The following RTTN variants were observed in gnomAD, a reference collection of about 807,000 sequenced individuals.
The protein encoded by RTTN is rotatin.
RTTN carries 182 observed loss-of-function variants against 269.2 expected under a neutral mutation model. The observed-to-expected ratio is 0.68, with a 90% confidence interval of 0.60 to 0.76. RTTN has a LOEUF of 0.76. RTTN is among the 30% of genes least tolerant of loss of function. The pLI, the probability that RTTN is intolerant of heterozygous loss-of-function variation, is 0.00. For synonymous variants in RTTN, 1,006 were observed against 963.5 expected (o/e 1.04, Z -0.82); for missense variants, 2,545 against 2,608.6 (o/e 0.98, Z 0.53).
In RTTN at chr18:70,114,642, T is replaced by C. The variant is rs1480641017; in HGVS notation, c.3529-43A>G. 5 of 1,571,402 alleles carry C rather than the reference T, an allele frequency of 3.2e-6. No individual in the cohort carries two copies. In the South Asian group the frequency reaches 5.8e-5, roughly 18 times the overall value. ...TAAAAAATGTATTTACTAATTGAAC[T>C]ATATATTGTTTCCTATAAAGGGTTT... is the stretch of plus-strand genomic sequence containing the variant. On this transcript the variant is annotated intron_variant, in intron 26 of 48. Transcript: ENST00000640769.
At chr18:70,125,302 A>G (rs1356189977) in intron 25 of RTTN, among the ~76,000 whole-genome samples, 2 of 152,042 alleles carry the variant, frequency 1.3e-5, no homozygotes, top group African/African-American at 2.4e-5. Context: ...TGAGTTTGCT[A>G]ATATCATTTT....
intron 14 of RTTN, among the ~76,000 whole-genome samples, chr18:70,159,669 T>G (rs1218572487): frequency 6.6e-6 from 1 of 151,930 alleles, no homozygotes; most frequent in African/African-American, 2.4e-5. Context: ...ATATACAAGA[T>G]TGATATATCA....
intron 40 of RTTN, among the ~76,000 whole-genome samples, chr18:70,046,430 C>T (rs1436094006): frequency 1.3e-5 from 2 of 152,170 alleles, no homozygotes; most frequent in African/African-American, 4.8e-5. Flanking sequence ...CCAAGCAGTA[C>T]CGTGCTCCAA....
Position 70,020,779 on chromosome 18 carries a change from G to C in RTTN, c.5989C>G (p.Pro1997Ala). ...GCTCCTCTATGTGTAGCTTGAACAG[G>C]GTGTTGTCCACAACTTGACCAACAA... ...SLCWSSCGQH[P>A]VQATHRGAVS... is the part of the protein sequence containing the mutation. The change falls in exon 45 of 49, where the codon CCT (proline) becomes GCT (alanine). Residue 1997 changes from proline (P) to alanine (A), a missense_variant. Physicochemically the swap from Pro to Ala is conservative, Grantham distance 27 (BLOSUM62 -1). Transcript: ENST00000640769. The C allele has an allele frequency of 6.2e-7, 1 of 1,613,662 alleles. No individual in the cohort carries two copies. Among genetic ancestry groups the C allele is most frequent in the Non-Finnish European group, 8.5e-7 (1 of 1,179,724 alleles).
chr18:70,086,466 A>T, intron 32 of RTTN, 147 bp downstream of exon 32: 1 of 709,310 alleles, frequency 1.4e-6, no homozygotes, highest in East Asian at 2.6e-5. Context: ...TGGTCGGCAT[A>T]AGAACAAATT....
chr18:70,035,802 A>G (rs561429526), intron 40 of RTTN, among the ~76,000 whole-genome samples: 29 of 152,204 alleles, frequency 1.9e-4, no homozygotes, highest in Non-Finnish European at 3.1e-4. Flanking sequence ...ATATCTGCAA[A>G]CTATGCATCA....
rs1446101927 is a variant in RTTN, at chr18:70,054,287, GT to G, written c.5032-4del. ...AGGTATTCCAGGAGAAAGGAAACCTGTTTGAAAAGGAGACAGGGTCAAATCA... is the reference window on the plus strand; with the variant it reads ...AGGTATTCCAGGAGAAAGGAAACCTGTTGAAAAGGAGACAGGGTCAAATCA... On this transcript the variant is annotated splice_region_variant and splice_polypyrimidine_tract_variant and intron_variant, in intron 37 of 48. Coordinates refer to ENST00000640769, the MANE Select transcript of RTTN (RefSeq NM_173630.4). 6.2e-7 allele frequency: 1 copy of G among 1,605,114 alleles called. No homozygotes were observed. Among genetic ancestry groups the G allele is most frequent in the African/African-American group, 1.3e-5 (1 of 74,482 alleles).
At chr18:70,109,800 C>T in intron 27 of RTTN, 83 bp from the exon 28 acceptor site, 1 of 1,060,358 alleles carries the variant, frequency 9.4e-7, no homozygotes, top group Admixed American at 2.2e-5. Flanking sequence ...TAAAAGGTTA[C>T]TTAAACTCAT....
In RTTN at chr18:70,057,770, G is replaced by A. The variant is rs779207752; in HGVS notation, c.5003C>T (p.Ser1668Leu). 21 of 1,613,716 alleles carry A rather than the reference G, an allele frequency of 1.3e-5. No individual in the cohort carries two copies. The highest frequency in any genetic ancestry group is 1.7e-5 in the Non-Finnish European group (20 of 1,179,814). ...AGCCTGAGTGTGTTCAGCTGGAGGTGATGAAGGCAGCAGGGCTCTGAGTTC... is the reference window on the plus strand; with the variant it reads ...AGCCTGAGTGTGTTCAGCTGGAGGTAATGAAGGCAGCAGGGCTCTGAGTTC... ...VQELRALLPS[S>L]PPAEHTQAQV... Residue 1668 changes from serine (S) to leucine (L), a missense_variant, in exon 37 of 49, where the codon TCA (serine) becomes TTA (leucine). Coordinates refer to ENST00000640769, the MANE Select transcript of RTTN (RefSeq NM_173630.4).
chr18:70,030,847 C>A, intron 41 of RTTN, 29 bp downstream of exon 41: 1 of 1,517,288 alleles, frequency 6.6e-7, no homozygotes, highest in Non-Finnish European at 9.1e-7. Flanking sequence ...ATAATGCCAT[C>A]AAAACAGCTG....
chr18:70,035,921 C>T (rs2057158804), intron 40 of RTTN, among the ~76,000 whole-genome samples: 1 of 152,140 alleles, frequency 6.6e-6, no homozygotes. Context: ...CAAAAGAAGA[C>T]ATACACATTG....
intron 32 of RTTN, among the ~76,000 whole-genome samples, chr18:70,083,873 A>G (rs2058633058): frequency 6.7e-6 from 1 of 149,896 alleles, no homozygotes; most frequent in African/African-American, 2.4e-5. Context: ...CAGGAACTCA[A>G]GGCCAGCCTG....
At chr18:70,043,143 G>A (rs796115061) in intron 40 of RTTN, among the ~76,000 whole-genome samples, 6 of 152,310 alleles carry the variant, frequency 3.9e-5, no homozygotes, top group African/African-American at 1.2e-4. Flanking sequence ...AAGATGAAGC[G>A]ATGAAGTTCT....
At chr18:70,011,904 C>T (rs926203985) in intron 46 of RTTN, among the ~76,000 whole-genome samples, 13 of 148,304 alleles carry the variant, frequency 8.8e-5, no homozygotes, top group Admixed American at 4.0e-4. Context: ...TAGAGGGTAG[C>T]GTCTGCTCCT....
At chr18:70,019,745 C>T (rs1240270233) in intron 45 of RTTN, 2 of 152,182 alleles carry the variant, frequency 1.3e-5, no homozygotes, top group African/African-American at 4.8e-5. Flanking sequence ...TCCAACGTGC[C>T]ACTGAAAACA....
chr18:70,107,720 G>A (rs951404517), intron 28 of RTTN, among the ~76,000 whole-genome samples: 1 of 152,270 alleles, frequency 6.6e-6, no homozygotes, highest in African/African-American at 2.4e-5. Flanking sequence ...AAAAGTTAAA[G>A]AGAGGCTCAA....
intron 28 of RTTN, among the ~76,000 whole-genome samples, chr18:70,095,050 T>C (rs2058961741): frequency 8.0e-6 from 1 of 124,320 alleles, no homozygotes; most frequent in Non-Finnish European, 1.8e-5. Flanking sequence ...CCTTTATCAT[T>C]ATGTAATGCC....
intron 46 of RTTN, among the ~76,000 whole-genome samples, chr18:70,015,837 A>G (rs1272697243): frequency 1.3e-5 from 2 of 152,200 alleles, no homozygotes; most frequent in Non-Finnish European, 2.9e-5. Flanking sequence ...CTCAAAGAAA[A>G]AAAAAATCAT....
chr18:70,149,139 T>C (rs1431537078), intron 16 of RTTN, 102 bp from the exon 17 acceptor site: 1 of 956,354 alleles, frequency 1.0e-6, no homozygotes, highest in East Asian at 2.6e-5. Flanking sequence ...CTCATAAATG[T>C]CTTTGGATTC....
Sources: gnomAD v4.1 joint callset for allele counts (sites outside exome capture counted in the v4.1 genomes callset) on GRCh38, gnomAD v4.1.1 for gene constraint, MANE v1.5 for transcripts, NCBI Gene and HGNC (gene_info 2026-07-23, HGNC 2026-07-21) for gene names.